The following RAI14 variants were observed in gnomAD, a reference collection of about 807,000 sequenced individuals.
RAI14 encodes retinoic acid induced 14, also known as ankycorbin.
RAI14 carries 45 observed loss-of-function variants against 115.4 expected under a neutral mutation model. The observed-to-expected ratio is 0.39, with a 90% confidence interval of 0.31 to 0.50. RAI14 has a LOEUF of 0.50. Ranked by LOEUF, RAI14 falls within the 20% of genes least tolerant of loss-of-function variation. The pLI is 0.85. For missense variants in RAI14, 939 were observed against 1,131.2 expected, an observed-to-expected ratio of 0.83 and a Z score of 2.44; for synonymous variants, 371 against 415.4, an observed-to-expected ratio of 0.89 and a Z score of 1.30.
intron 3 of RAI14, among the ~76,000 whole-genome samples, chr5:34,775,067 A>G (rs935837778): frequency 1.3e-5 from 2 of 152,206 alleles, no homozygotes; most frequent in Non-Finnish European, 1.5e-5. Flanking sequence ...ATCTCCATAT[A>G]TAGAAGAATG....
intron 2 of RAI14, among the ~76,000 whole-genome samples, chr5:34,702,730 G>A (rs905147902): frequency 2.6e-5 from 4 of 152,050 alleles, no homozygotes; most frequent in Non-Finnish European, 4.4e-5. Context: ...TTTTTGAGAT[G>A]GAGTTTTACT....
At chr5:34,748,899 G>A (rs1307001148) in intron 2 of RAI14, among the ~76,000 whole-genome samples, 1 of 152,020 alleles carries the variant, frequency 6.6e-6, no homozygotes, top group African/African-American at 2.4e-5. Context: ...ATGAATGATA[G>A]GGATTAGATC....
At chr5:34,673,697 G>A (rs959447613) in intron 1 of RAI14, among the ~76,000 whole-genome samples, 2 of 152,184 alleles carry the variant, frequency 1.3e-5, no homozygotes, top group Admixed American at 6.5e-5. Context: ...TGCCAAAAGA[G>A]TGTGGCTATA....
At chr5:34,746,489 C>G (rs1746243492) in intron 2 of RAI14, among the ~76,000 whole-genome samples, 1 of 151,004 alleles carries the variant, frequency 6.6e-6, no homozygotes, top group Admixed American at 6.6e-5. Flanking sequence ...ACTGCAACCT[C>G]TGTCTCCTGG....
intron 2 of RAI14, among the ~76,000 whole-genome samples, chr5:34,753,730 A>G (rs552272024): frequency 6.6e-6 from 1 of 152,260 alleles, no homozygotes; most frequent in African/African-American, 2.4e-5. Context: ...CCTGGCTAAC[A>G]TGGTGAAACC....
chr5:34,716,153 G>T, intron 2 of RAI14: 1 of 414,708 alleles, frequency 2.4e-6, no homozygotes, highest in South Asian at 1.8e-5. Context: ...GCAAATATTC[G>T]GTATTATAAA....
At chr5:34,740,268 G>A (rs1745340102) in intron 2 of RAI14, among the ~76,000 whole-genome samples, 1 of 152,174 alleles carries the variant, frequency 6.6e-6, no homozygotes, top group Admixed American at 6.5e-5. Flanking sequence ...AGTGTGTGGG[G>A]TCAAACTGCA....
At chr5:34,746,744 C>T (rs1746282977) in intron 2 of RAI14, among the ~76,000 whole-genome samples, 1 of 152,126 alleles carries the variant, frequency 6.6e-6, no homozygotes, top group Non-Finnish European at 1.5e-5. Context: ...TTAAACCCCC[C>T]TAAAAAGTTT....
At chr5:34,755,354 T>C (rs913616803) in intron 2 of RAI14, among the ~76,000 whole-genome samples, 3 of 152,200 alleles carry the variant, frequency 2.0e-5, no homozygotes, top group African/African-American at 7.2e-5. Context: ...AGACACATTC[T>C]TACTTTGTTA....
At chr5:34,676,730 T>A (rs1744002605) in intron 1 of RAI14, among the ~76,000 whole-genome samples, 1 of 152,216 alleles carries the variant, frequency 6.6e-6, no homozygotes, top group South Asian at 2.1e-4. Context: ...AAGAGAAATG[T>A]CGTCTCCTGG....
chr5:34,709,035 C>T (rs533171833), intron 2 of RAI14, among the ~76,000 whole-genome samples: 13 of 145,294 alleles, frequency 8.9e-5, no homozygotes, highest in African/African-American at 2.0e-4. Flanking sequence ...GCTAGCTAGG[C>T]GGGAGGAATG....
At chr5:34,662,919 G>A (rs1443068777) in intron 1 of RAI14, among the ~76,000 whole-genome samples, 4 of 151,398 alleles carry the variant, frequency 2.6e-5, no homozygotes, top group Non-Finnish European at 5.9e-5. Flanking sequence ...AGTAGAGATG[G>A]GGTTTCATGT....
At chr5:34,730,918 G>A (rs1744095706) in intron 2 of RAI14, among the ~76,000 whole-genome samples, 1 of 152,228 alleles carries the variant, frequency 6.6e-6, no homozygotes, top group Admixed American at 6.5e-5. Flanking sequence ...GGTAGGTGGA[G>A]GTTGCAGTGA....
In RAI14 at chr5:34,802,820, GA is replaced by G. The variant is rs1484063902; in HGVS notation, c.257-891del. On this transcript the variant is annotated intron_variant, in intron 4 of 17. Transcript: ENST00000265109. ...TTAGGGAGAAATTGGAATTTGAAAC[GA>G]GAAAGTCAGGAAAGGCCTCATTGAG... 9.9e-5 allele frequency among the ~76,000 whole-genome samples: 15 copies of G among 152,282 alleles called. No homozygotes were observed. The South Asian group carries it at 3.1e-3, about 32-fold the overall frequency.
At chr5:34,725,703 T>C (rs1327393506) in intron 2 of RAI14, among the ~76,000 whole-genome samples, 1 of 152,000 alleles carries the variant, frequency 6.6e-6, no homozygotes, top group Non-Finnish European at 1.5e-5. Flanking sequence ...TGGTGGCTCA[T>C]GCCTGTAATC....
In RAI14 at chr5:34,827,132, C is replaced by A. The variant is rs1757531731; in HGVS notation, c.2799+653C>A. ...TCCAGTACCAGAGGCTGCCTGCATT[C>A]TGTGGCTCATGGCCCCTTACTCCAT... On this transcript the variant is annotated intron_variant, in intron 16 of 17. Coordinates refer to ENST00000265109, the MANE Select transcript of RAI14 (RefSeq NM_015577.3). The surrounding 1 kb of genome is among the most constrained non-coding windows in gnomAD (Gnocchi z 4.2). Among the ~76,000 whole-genome samples, 1 of 152,170 alleles carries A rather than the reference C, an allele frequency of 6.6e-6. No individual in the cohort carries two copies.
At chr5:34,810,978 T>C in intron 7 of RAI14, 34 bp from the exon 8 acceptor site, 2 of 1,607,778 alleles carry the variant, frequency 1.2e-6, no homozygotes, top group Non-Finnish European at 1.7e-6. Flanking sequence ...ATTTTGTGCC[T>C]GAGGTAAAAT....
chr5:34,721,646 A>G (rs549039812), intron 2 of RAI14, among the ~76,000 whole-genome samples: 32 of 152,102 alleles, frequency 2.1e-4, no homozygotes, highest in African/African-American at 7.0e-4. Context: ...TAGGGCTTTT[A>G]TTTTAAATGA....
At chr5:34,820,433 A>G (rs984993440) in intron 13 of RAI14, among the ~76,000 whole-genome samples, 1 of 152,126 alleles carries the variant, frequency 6.6e-6, no homozygotes. Context: ...TACAAAAATT[A>G]GCTATTACAT....
Sources: allele counts gnomAD v4.1 joint callset (sites outside exome capture counted in the v4.1 genomes callset), GRCh38; gene constraint gnomAD v4.1.1; non-coding constraint Gnocchi (gnomAD v3.1); transcripts MANE v1.5; gene names NCBI Gene and HGNC (gene_info 2026-07-23, HGNC 2026-07-21).